The following SIDT2 variants were observed in gnomAD, a reference collection of about 807,000 sequenced individuals.
The protein encoded by SIDT2 is SID1 transmembrane family member 2, also known as SID1 transmembrane family, member 2.
A neutral mutation model predicts 114.4 loss-of-function variants in SIDT2; 68 were observed. The observed-to-expected ratio is 0.59, with a 90% confidence interval of 0.49 to 0.73. The LOEUF is 0.73. Ranked by LOEUF, SIDT2 falls within the 30% of genes least tolerant of loss-of-function variation. The pLI, the probability that SIDT2 is intolerant of heterozygous loss-of-function variation, is 0.00. For synonymous variants in SIDT2, 470 were observed against 438.4 expected (o/e 1.07, Z -0.90); for missense variants, 918 against 1,097.1 (o/e 0.84, Z 2.31).
In SIDT2 at chr11:117,192,581, G is replaced by A; in HGVS notation, c.1989G>A (p.Gly663=). 6.2e-7 allele frequency: 1 copy of A among 1,607,960 alleles called. No homozygotes were observed. Among genetic ancestry groups the A allele is most frequent in the South Asian group, 1.1e-5 (1 of 91,002 alleles). The part of the protein sequence containing the change: ...YYMGRWKLDS[G]IFRRILHVLY... ...ACTCCCTTCTCTTCGCAGACTCGGG[G>A]ATCTTCCGCCGCATCCTCCACGTGC... Residue 663 remains glycine, a synonymous_variant, in exon 21 of 26, where the codon GGG becomes GGA. Coordinates refer to ENST00000324225, the MANE Select transcript of SIDT2 (RefSeq NM_001040455.2). The surrounding 1 kb of genome is among the most constrained non-coding windows in gnomAD (Gnocchi z 5.9).
At chr11:117,179,639 G>C in intron 1 of SIDT2, 193 bp downstream of exon 1, 1 of 580,388 alleles carries the variant, frequency 1.7e-6, no homozygotes, top group Non-Finnish European at 3.0e-6. Context: ...TGAAGCTCCA[G>C]CTGGGCAGTT....
chr11:117,181,133 C>T (rs1300858799), intron 1 of SIDT2, among the ~76,000 whole-genome samples: 1 of 152,070 alleles, frequency 6.6e-6, no homozygotes, highest in Non-Finnish European at 1.5e-5. Context: ...CCTGGAGACT[C>T]GCAAGGCCTC....
intron 1 of SIDT2, 103 bp downstream of exon 1, chr11:117,179,549 T>G: frequency 1.6e-6 from 2 of 1,263,626 alleles, no homozygotes. Flanking sequence ...AGGAACGAGC[T>G]GTCCTGCTAG....
At position 117,179,005 on chromosome 11, in the gene SIDT2, C is replaced by G; in HGVS notation, c.-259C>G. ...GTCTCAGGTCGTACTCAGCCCCTCG[C>G]GAGCTGGGACCCCTTCCCGTAGCCA... On this transcript the variant is annotated 5_prime_UTR_variant, in exon 1 of 26. Transcript: ENST00000324225. 1 of 518,020 alleles carries G rather than the reference C, an allele frequency of 1.9e-6. No homozygotes were observed. The highest frequency in any genetic ancestry group is 3.4e-6 in the Non-Finnish European group (1 of 289,944). The allele number at this position is 518,020 out of a possible 1,614,324, so 32.1% of individuals were successfully genotyped here.
At chr11:117,186,529 C>G in intron 9 of SIDT2, 55 bp from the exon 10 acceptor site, 2 of 1,491,104 alleles carry the variant, frequency 1.3e-6, no homozygotes, top group Non-Finnish European at 1.8e-6. Flanking sequence ...CAGCCCCATA[C>G]AGAGTGATCC....
In SIDT2 at chr11:117,192,835, C is replaced by T. The variant is rs572716081; in HGVS notation, c.2074C>T (p.Leu692=). 1.9e-6 allele frequency: 3 copies of T among 1,614,156 alleles called. No individual in the cohort carries two copies. The highest frequency in any genetic ancestry group is 2.5e-6 in the Non-Finnish European group (3 of 1,180,040). Residue 692 remains leucine, a synonymous_variant, in exon 22 of 26, where the codon CTG becomes TTG. Transcript: ENST00000324225. The surrounding 1 kb of genome is among the most constrained non-coding windows in gnomAD (Gnocchi z 5.9). ...GPLYVDRMVL[L]VMGNVINWSL... is the part of the protein sequence containing the mutation. Reference sequence around the variant, plus strand: ...TTCCCTCCAGGACCGCATGGTGCTGCTGGTCATGGGCAACGTCATCAACTG... The same window carrying T: ...TTCCCTCCAGGACCGCATGGTGCTGTTGGTCATGGGCAACGTCATCAACTG...
rs2030723664 is a variant in SIDT2, at chr11:117,192,094, G to A, written c.1872+80G>A. 1.6e-5 allele frequency: 25 copies of A among 1,589,390 alleles called. No individual in the cohort carries two copies. The Middle Eastern group carries it at 5.0e-4, about 32-fold the overall frequency. On this transcript the variant is annotated intron_variant, in intron 19 of 25. Coordinates refer to ENST00000324225, the MANE Select transcript of SIDT2 (RefSeq NM_001040455.2). The surrounding 1 kb of genome is among the most constrained non-coding windows in gnomAD (Gnocchi z 5.9). ...TTCAGACACGTAGTGCACACCCTCC[G>A]CCACCTCCTGCATGAGAGATTCCTG...
In SIDT2 at chr11:117,190,123, G is replaced by C. The variant is rs535731804; in HGVS notation, c.1494-43G>C. 1 of 1,608,982 alleles carries C rather than the reference G, an allele frequency of 6.2e-7. No homozygotes were observed. The highest frequency in any genetic ancestry group is 1.3e-5 in the African/African-American group (1 of 74,978). On this transcript the variant is annotated intron_variant, in intron 16 of 25. Transcript: ENST00000324225. This position sits in a 1 kb window ranked among gnomAD's most constrained non-coding sequence, Gnocchi z 4.1. ...CCCACGTGGGCTAGGGAAGAGGCCT[G>C]GGTGTGAGTCCCAAGCAGTCTGCCT... is the stretch of plus-strand genomic sequence containing the variant.
In SIDT2 at chr11:117,191,991, A is replaced by G. The variant is rs1565288609; in HGVS notation, c.1849A>G (p.Ile617Val). The change falls in exon 19 of 26, where the codon ATC becomes GTC. Residue 617 changes from isoleucine to valine, a missense_variant. By Grantham distance (29) the Ile-to-Val change is conservative (BLOSUM62 3). Coordinates refer to ENST00000324225, the MANE Select transcript of SIDT2 (RefSeq NM_001040455.2). ...TGCCTACGCCTGCCTGGCCATTGTC[A>G]TCTTCTTCTCTGTGCTGGGCGTGGT... Reference protein sequence around the residue: ...YSAYACLAIVIFFSVLGVVFG... With the variant: ...YSAYACLAIVVFFSVLGVVFG... 2.5e-6 allele frequency: 4 copies of G among 1,613,996 alleles called. No homozygotes were observed. Among genetic ancestry groups the G allele is most frequent in the Non-Finnish European group, 3.4e-6 (4 of 1,180,016 alleles).
chr11:117,197,381 A>G lies in SIDT2; in HGVS notation c.*1315A>G, dbSNP rs2030927648. On this transcript the variant is annotated 3_prime_UTR_variant, in exon 26 of 26. Coordinates refer to ENST00000324225, the MANE Select transcript of SIDT2 (RefSeq NM_001040455.2). ...CTGGATCTTTTCTCAGAGCGTCTCCATGCTATGGTTGCATTTCCGTTTTCT... is the reference window on the plus strand; with the variant it reads ...CTGGATCTTTTCTCAGAGCGTCTCCGTGCTATGGTTGCATTTCCGTTTTCT... The G allele has an allele frequency of 6.6e-6, 1 of 152,574 alleles. No individual in the cohort carries two copies. The highest frequency in any genetic ancestry group is 2.4e-5 in the African/African-American group (1 of 41,418). 9.5% of individuals were successfully genotyped at this position (152,574 alleles called of 1,614,324 possible).
At chr11:117,180,525 C>G (rs2030239833) in intron 1 of SIDT2, among the ~76,000 whole-genome samples, 2 of 138,726 alleles carry the variant, frequency 1.4e-5, no homozygotes, top group African/African-American at 5.4e-5. Flanking sequence ...GTGAAGATCA[C>G]TTTATCTTTT....
rs2030564947 is a variant in SIDT2, at chr11:117,188,003, G to T, written c.1159+304G>T. 1.7e-6 allele frequency: 1 copy of T among 603,872 alleles called. No individual in the cohort carries two copies. Among genetic ancestry groups the T allele is most frequent in the East Asian group, 3.6e-5 (1 of 28,134 alleles). The allele number at this position is 603,872 out of a possible 1,614,324, so 37.4% of individuals were successfully genotyped here. On this transcript the variant is annotated intron_variant, in intron 12 of 25. Coordinates refer to ENST00000324225, the MANE Select transcript of SIDT2 (RefSeq NM_001040455.2). The surrounding 1 kb of genome is among the most constrained non-coding windows in gnomAD (Gnocchi z 4.0). ...CTGTTTTGCCAATCAGTGCCTGCCG[G>T]CTCCGGTTGACTGCCGGCTGTGGGG...
At chr11:117,187,883 C>G (rs1482546891) in intron 12 of SIDT2, 184 bp downstream of exon 12, 3 of 712,844 alleles carry the variant, frequency 4.2e-6, no homozygotes, top group African/African-American at 1.7e-5. Context: ...CTTTCCCTTT[C>G]CTTTGAAGGG....
In SIDT2 at chr11:117,188,575, C is replaced by G; in HGVS notation, c.1160-133C>G. 1.5e-6 allele frequency: 1 copy of G among 686,408 alleles called. No homozygotes were observed. The highest frequency in any genetic ancestry group is 2.6e-6 in the Non-Finnish European group (1 of 379,740). 42.5% of individuals were successfully genotyped at this position (686,408 alleles called of 1,614,324 possible). On this transcript the variant is annotated intron_variant, in intron 12 of 25. Coordinates refer to ENST00000324225, the MANE Select transcript of SIDT2 (RefSeq NM_001040455.2). The surrounding 1 kb of genome is among the most constrained non-coding windows in gnomAD (Gnocchi z 4.0). ...CCCAGCTCCTGAGCCCACTTCCACC[C>G]CAACTCTGAGGCCCAGCCCACAATT...
intron 15 of SIDT2, 188 bp downstream of exon 15, chr11:117,189,589 C>G: frequency 1.5e-6 from 1 of 647,728 alleles, no homozygotes; most frequent in East Asian, 2.7e-5. Context: ...GTTTCTTCAT[C>G]TGCAAAATGG....
rs530662752 is a variant in SIDT2 at position 117,188,048 on chromosome 11, A to G, written c.1159+349A>G. ...GTGGGGCCAGAAAGATTCTATGTGC[A>G]TGGCTTCCCCATGTAATTCCAGTAA... On this transcript the variant is annotated intron_variant, in intron 12 of 25. Transcript: ENST00000324225. The surrounding 1 kb of genome is among the most constrained non-coding windows in gnomAD (Gnocchi z 4.0). The G allele has an allele frequency of 1.5e-5, 8 of 517,414 alleles. No individual in the cohort carries two copies. Among genetic ancestry groups the G allele is most frequent in the Admixed American group, 2.3e-5 (1 of 43,018 alleles). The allele number at this position is 517,414 out of a possible 1,614,324, so 32.1% of individuals were successfully genotyped here.
At position 117,195,986 on chromosome 11, in the gene SIDT2, C is replaced by G. The variant is rs754681814; in HGVS notation, c.2437-18C>G. On this transcript the variant is annotated intron_variant, in intron 25 of 25. Transcript: ENST00000324225. ...AGCTGCCTCCTTCTCTGTGGCTGAT[C>G]TGGCGTCCACACCCCAGGTGTTGCT... The G allele has an allele frequency of 1.2e-6, 2 of 1,614,136 alleles. No individual in the cohort carries two copies. The highest frequency in any genetic ancestry group is 1.1e-5 in the South Asian group (1 of 91,090).
chr11:117,190,802 C>A lies in SIDT2; in HGVS notation c.1735+62C>A. Reference sequence around the variant, plus strand: ...AGCAGGGACCTGCCTGAGTCCTTCACTATCCCCAAGTCACCCACAGGGATC... The same window carrying A: ...AGCAGGGACCTGCCTGAGTCCTTCAATATCCCCAAGTCACCCACAGGGATC... On this transcript the variant is annotated intron_variant, in intron 18 of 25. Coordinates refer to ENST00000324225, the MANE Select transcript of SIDT2 (RefSeq NM_001040455.2). The surrounding 1 kb of genome is among the most constrained non-coding windows in gnomAD (Gnocchi z 4.1). 1.5e-6 allele frequency: 2 copies of A among 1,357,936 alleles called. No individual in the cohort carries two copies. Among genetic ancestry groups the A allele is most frequent in the Non-Finnish European group, 2.1e-6 (2 of 948,488 alleles). 84.1% of individuals were successfully genotyped at this position (1,357,936 alleles called of 1,614,324 possible).
chr11:117,182,858 T>G, intron 6 of SIDT2, 52 bp downstream of exon 6: 10 of 1,567,010 alleles, frequency 6.4e-6, no homozygotes, highest in Non-Finnish European at 8.7e-6. Flanking sequence ...ATAAGCTGTG[T>G]AGCTTTCCAA....
Sources: gnomAD v4.1 joint callset for allele counts (sites outside exome capture counted in the v4.1 genomes callset) on GRCh38, gnomAD v4.1.1 for gene constraint, Gnocchi (gnomAD v3.1) non-coding constraint, MANE v1.5 for transcripts, NCBI Gene and HGNC (gene_info 2026-07-23, HGNC 2026-07-21) for gene names.